The following LNX1 variants were observed in gnomAD, a reference collection of about 807,000 sequenced individuals.
LNX1 encodes the protein ligand of numb-protein X 1.
LNX1 carries 54 observed loss-of-function variants against 68.4 expected under a neutral mutation model. The observed-to-expected ratio is 0.79, with a 90% confidence interval of 0.63 to 0.99. The LOEUF is 0.99. Ranked by LOEUF, LNX1 falls within the 50% of genes least tolerant of loss-of-function variation. The pLI, the probability that LNX1 is intolerant of heterozygous loss-of-function variation, is 0.00. For synonymous variants in LNX1, 336 were observed against 350.0 expected, an observed-to-expected ratio of 0.96 and a Z score of 0.45; for missense variants, 906 against 926.4, an observed-to-expected ratio of 0.98 and a Z score of 0.29.
chr4:53,472,083 A>G (rs1723231002), intron 9 of LNX1, among the ~76,000 whole-genome samples: 1 of 152,254 alleles, frequency 6.6e-6, no homozygotes, highest in African/African-American at 2.4e-5. Flanking sequence ...ACTTGGAACC[A>G]ACCCAAATTT....
intron 9 of LNX1, among the ~76,000 whole-genome samples, chr4:53,469,669 A>C (rs1233426817): frequency 6.6e-6 from 1 of 152,218 alleles, no homozygotes; most frequent in Non-Finnish European, 1.5e-5. Context: ...ATCACCACCA[A>C]TCCCACAGAA....
At chr4:53,529,256 G>T (rs1727854406) in intron 2 of LNX1, among the ~76,000 whole-genome samples, 1 of 152,086 alleles carries the variant, frequency 6.6e-6, no homozygotes, top group Non-Finnish European at 1.5e-5. Context: ...AAACACAATA[G>T]CTACCTTCCC....
intron 9 of LNX1, among the ~76,000 whole-genome samples, chr4:53,466,615 TG>T (rs912386866): frequency 7.2e-5 from 11 of 152,186 alleles, no homozygotes; most frequent in Non-Finnish European, 1.3e-4. Flanking sequence ...AGACGGCACC[TG>T]GAAAATCGGG....
chr4:53,560,548 A>G (rs1730211564), intron 2 of LNX1, among the ~76,000 whole-genome samples: 1 of 152,190 alleles, frequency 6.6e-6, no homozygotes, highest in African/African-American at 2.4e-5. Flanking sequence ...CTAATGAGGT[A>G]TGAGTAGAAA....
intron 2 of LNX1, among the ~76,000 whole-genome samples, chr4:53,519,397 C>G (rs1275948918): frequency 1.3e-5 from 2 of 150,890 alleles, no homozygotes; most frequent in Non-Finnish European, 2.9e-5. Flanking sequence ...GCAGTCATAA[C>G]AGTAACCACC....
intron 4 of LNX1, among the ~76,000 whole-genome samples, chr4:53,506,372 A>T (rs1725869214): frequency 6.6e-6 from 1 of 152,208 alleles, no homozygotes; most frequent in Non-Finnish European, 1.5e-5. Context: ...TTCTAACATA[A>T]AATGCAAAGA....
intron 1 of LNX1, chr4:53,579,289 T>C: frequency 2.0e-6 from 2 of 984,304 alleles, no homozygotes; most frequent in Non-Finnish European, 2.4e-6. Context: ...CTTACACTTT[T>C]TCAGTATAAC....
At position 53,507,917 on chromosome 4, in the gene LNX1, G is replaced by C. The variant is rs540572981; in HGVS notation, c.622+69C>G. ...AAAAACATTTACAGAACTTTCCACA[G>C]TAAGTATTCCACAGAGGGCAATCGC... On this transcript the variant is annotated intron_variant, in intron 3 of 10. Transcript: ENST00000263925. 3 of 1,543,932 alleles carry C rather than the reference G, an allele frequency of 1.9e-6. No individual in the cohort carries two copies. In the South Asian group the frequency reaches 3.7e-5, roughly 19 times the overall value.
At chr4:53,548,478 T>C (rs2109687949) in intron 2 of LNX1, among the ~76,000 whole-genome samples, 1 of 152,346 alleles carries the variant, frequency 6.6e-6, no homozygotes, top group Non-Finnish European at 1.5e-5. Flanking sequence ...TTGATTGATA[T>C]AGGTCTGTGA....
At chr4:53,625,036 A>T (rs1436676044) in intron 1 of LNX1, among the ~76,000 whole-genome samples, 1 of 152,206 alleles carries the variant, frequency 6.6e-6, no homozygotes, top group Non-Finnish European at 1.5e-5. Context: ...TGTGATAGAT[A>T]TTTTTAAAAC....
intron 1 of LNX1, among the ~76,000 whole-genome samples, chr4:53,585,123 G>A (rs899670322): frequency 2.6e-5 from 4 of 152,158 alleles, no homozygotes; most frequent in Non-Finnish European, 5.9e-5. Flanking sequence ...GGAGGACTCA[G>A]GATTCAGTGG....
At chr4:53,469,890 A>G (rs1186747760) in intron 9 of LNX1, among the ~76,000 whole-genome samples, 1 of 152,226 alleles carries the variant, frequency 6.6e-6, no homozygotes, top group Non-Finnish European at 1.5e-5. Flanking sequence ...AGATGGATTC[A>G]CAGCCGAATT....
chr4:53,492,765 G>C (rs192359191), intron 6 of LNX1, among the ~76,000 whole-genome samples: 5 of 152,076 alleles, frequency 3.3e-5, no homozygotes, highest in African/African-American at 1.2e-4. Context: ...TTATAGACTA[G>C]GAATGGCCTA....
chr4:53,587,492 T>C (rs555659672), intron 1 of LNX1, among the ~76,000 whole-genome samples: 3 of 152,296 alleles, frequency 2.0e-5, no homozygotes, highest in African/African-American at 7.2e-5. Flanking sequence ...GTCTATGTAA[T>C]GTCAGTACAT....
At chr4:53,485,200 A>G (rs1392022908) in intron 6 of LNX1, among the ~76,000 whole-genome samples, 1 of 152,238 alleles carries the variant, frequency 6.6e-6, no homozygotes, top group Admixed American at 6.5e-5. Context: ...CTAAAAGATA[A>G]GAAGTGGTGA....
At chr4:53,521,241 T>C (rs1727195404) in intron 2 of LNX1, among the ~76,000 whole-genome samples, 1 of 152,218 alleles carries the variant, frequency 6.6e-6, no homozygotes, top group Non-Finnish European at 1.5e-5. Context: ...TGAGTCCTCG[T>C]GTTTTTGTGA....
At chr4:53,632,973 C>T (rs1448953065) in intron 1 of LNX1, among the ~76,000 whole-genome samples, 4 of 152,198 alleles carry the variant, frequency 2.6e-5, no homozygotes, top group Admixed American at 2.6e-4. Context: ...TTCTAGACAA[C>T]CTGTCCTAAG....
At chr4:53,545,488 G>C (rs1729043679) in intron 2 of LNX1, among the ~76,000 whole-genome samples, 2 of 152,186 alleles carry the variant, frequency 1.3e-5, no homozygotes, top group African/African-American at 4.8e-5. Flanking sequence ...ACCTAGGGAA[G>C]TTTCCTCAGC....
intron 1 of LNX1, among the ~76,000 whole-genome samples, chr4:53,645,557 T>G (rs140716226): frequency 1.2e-3 from 182 of 152,330 alleles, no homozygotes; most frequent in Non-Finnish European, 2.3e-3. Context: ...TGCAAAGAAC[T>G]GTTAATTATA....
Sources: gnomAD v4.1 joint callset for allele counts (sites outside exome capture counted in the v4.1 genomes callset) on GRCh38, gnomAD v4.1.1 for gene constraint, MANE v1.5 for transcripts, NCBI Gene and HGNC (gene_info 2026-07-23, HGNC 2026-07-21) for gene names.